Variants in DSE observed in about 807,000 individuals in gnomAD.
The protein encoded by DSE is dermatan sulfate epimerase.
Under a neutral mutation model 84.4 loss-of-function variants are expected in DSE, and 36 were observed. The ratio of observed to expected loss-of-function variants is 0.43; its 90% CI spans 0.33 to 0.56. The LOEUF (loss-of-function observed/expected upper bound fraction) is 0.56. Ranked by LOEUF, DSE falls within the 20% of genes least tolerant of loss-of-function variation. The pLI, the probability that DSE is intolerant of heterozygous loss-of-function variation, is 0.06. For synonymous variants in DSE, 410 were observed against 430.1 expected, an observed-to-expected ratio of 0.95 and a Z score of 0.58; for missense variants, 862 against 1,169.6, an observed-to-expected ratio of 0.74 and a Z score of 3.84.
intron 1 of DSE, among the ~76,000 whole-genome samples, chr6:116,393,969 C>T (rs1280654386): frequency 6.6e-6 from 1 of 152,158 alleles, no homozygotes; most frequent in East Asian, 1.9e-4. Flanking sequence ...TTCTTCTCAG[C>T]ATATTCTTCT....
At chr6:116,373,596 A>C (rs889453823) in intron 1 of DSE, among the ~76,000 whole-genome samples, 3 of 152,212 alleles carry the variant, frequency 2.0e-5, no homozygotes, top group African/African-American at 7.2e-5. Context: ...ATTCGTTCAG[A>C]AACAAGCTAA....
intron 1 of DSE, among the ~76,000 whole-genome samples, chr6:116,388,907 G>A (rs1052552550): frequency 6.6e-6 from 1 of 152,154 alleles, no homozygotes; most frequent in Non-Finnish European, 1.5e-5. Context: ...CAGTTGAGCA[G>A]GAAGAAGAAG....
intron 2 of DSE, among the ~76,000 whole-genome samples, chr6:116,416,103 C>T (rs918131508): frequency 6.6e-6 from 1 of 152,190 alleles, no homozygotes; most frequent in Admixed American, 6.5e-5. Flanking sequence ...AAGCTAGCAA[C>T]CTTGCATCTC....
chr6:116,374,213 A>G (rs1779783681), intron 1 of DSE, among the ~76,000 whole-genome samples: 1 of 152,240 alleles, frequency 6.6e-6, no homozygotes. Flanking sequence ...GTTGTAGCAT[A>G]TATTAAATAT....
At chr6:116,309,347 C>G (rs967092668) in intron 2 of DSE, among the ~76,000 whole-genome samples, 1 of 152,040 alleles carries the variant, frequency 6.6e-6, no homozygotes, top group Non-Finnish European at 1.5e-5. Flanking sequence ...TACATACACA[C>G]CACTCTAAAA....
intron 2 of DSE, among the ~76,000 whole-genome samples, chr6:116,417,810 A>G (rs1782811957): frequency 6.6e-6 from 1 of 152,190 alleles, no homozygotes; most frequent in Non-Finnish European, 1.5e-5. Flanking sequence ...GTAGATATTG[A>G]AAAAGGAAAG....
chr6:116,382,037 C>G (rs927978199), intron 1 of DSE, among the ~76,000 whole-genome samples: 2 of 144,770 alleles, frequency 1.4e-5, no homozygotes, highest in African/African-American at 5.1e-5. Flanking sequence ...ACATGGCATT[C>G]TGTGTGTGTG....
upstream of DSE, chr6:116,370,891 G>A (rs1307398441): frequency 2.0e-6 from 2 of 985,682 alleles, no homozygotes; most frequent in Non-Finnish European, 1.2e-6. Context: ...CGCCCGCCGC[G>A]TCCCTCCCTC....
chr6:116,370,024 G>A (rs1779414169), upstream of DSE: 1 of 1,150,778 alleles, frequency 8.7e-7, no homozygotes. Context: ...GTATTCCTGA[G>A]GTGATGGCCC....
At chr6:116,394,033 C>T (rs1018112747) in intron 1 of DSE, among the ~76,000 whole-genome samples, 1 of 151,592 alleles carries the variant, frequency 6.6e-6, no homozygotes, top group African/African-American at 2.4e-5. Flanking sequence ...TGTTATTGAA[C>T]ATTCTCACAA....
At chr6:116,316,736 C>T (rs1775999118) in intron 2 of DSE, among the ~76,000 whole-genome samples, 1 of 151,932 alleles carries the variant, frequency 6.6e-6, no homozygotes, top group South Asian at 2.1e-4. Context: ...AAACTAATTA[C>T]AGAAAGGAAG....
At chr6:116,381,316 G>A (rs1366084003) in intron 1 of DSE, among the ~76,000 whole-genome samples, 2 of 152,146 alleles carry the variant, frequency 1.3e-5, no homozygotes, top group African/African-American at 4.8e-5. Flanking sequence ...TCTGAAGGGG[G>A]AGTTTATGTA....
intron 2 of DSE, among the ~76,000 whole-genome samples, chr6:116,352,252 C>A (rs1778349403): frequency 1.3e-5 from 2 of 152,202 alleles, no homozygotes; most frequent in Non-Finnish European, 2.9e-5. Context: ...CAACTATTAT[C>A]TATCTACTCA....
chr6:116,370,321 G>A (rs944713940), upstream of DSE: 1 of 322,550 alleles, frequency 3.1e-6, no homozygotes, highest in African/African-American at 2.2e-5. Context: ...GGTGCGCTTG[G>A]ATTTAGTGTA....
At chr6:116,389,708 A>G (rs57846584) in intron 1 of DSE, among the ~76,000 whole-genome samples, 6,313 of 152,202 alleles carry the variant, frequency 0.041, 457 homozygotes, top group African/African-American at 0.15. Context: ...CCTCTTTTCT[A>G]TACTTTATTT....
rs1396656749 is a variant in DSE at position 116,435,779 on chromosome 6, A to G, written c.1311A>G (p.Lys437=). 5.0e-6 allele frequency: 8 copies of G among 1,614,026 alleles called. No individual in the cohort carries two copies. The African/African-American group carries it at 1.1e-4, about 22-fold the overall frequency. Residue 437 remains lysine (K), a synonymous_variant, in exon 6 of 6, where the codon AAA becomes AAG. Coordinates refer to ENST00000644252, the MANE Select transcript of DSE (RefSeq NM_013352.4). The part of the protein sequence containing the change: ...IYDIVHRNKY[K]DWIKGWRNFN... Reference sequence around the variant, plus strand: ...ACATTGTCCACAGAAACAAATACAAAGATTGGATCAAAGGATGGAGAAATT... The same window carrying G: ...ACATTGTCCACAGAAACAAATACAAGGATTGGATCAAAGGATGGAGAAATT...
At chr6:116,258,338 C>T (rs11153601) in intron 1 of DSE, 189,229 of 549,066 alleles carry the variant, frequency 0.34, 36,506 homozygotes, top group East Asian at 0.62. Flanking sequence ...TTATAACGTG[C>T]TTTATAACTC....
At chr6:116,379,493 C>A (rs183188742) in intron 1 of DSE, among the ~76,000 whole-genome samples, 2 of 152,104 alleles carry the variant, frequency 1.3e-5, no homozygotes, top group African/African-American at 4.8e-5. Context: ...TTAATTCTTC[C>A]GTAAGTTAGA....
intron 2 of DSE, among the ~76,000 whole-genome samples, chr6:116,299,562 A>ACACACC (rs1774908029): frequency 1.5e-5 from 1 of 68,418 alleles, no homozygotes; most frequent in Non-Finnish European, 2.9e-5. Context: ...ACACATACAC[A>ACACACC]CACACACACA....
Sources: allele counts gnomAD v4.1 joint callset (sites outside exome capture counted in the v4.1 genomes callset), GRCh38; gene constraint gnomAD v4.1.1; transcripts MANE v1.5; gene names NCBI Gene and HGNC (gene_info 2026-07-23, HGNC 2026-07-21).